The following BTNL8 variants were observed in gnomAD, a reference collection of about 807,000 sequenced individuals.
BTNL8 encodes the protein butyrophilin-like protein 8.
In BTNL8, 22 loss-of-function variants were observed where a neutral mutation model predicts 36.1. The observed-to-expected ratio is 0.61, with a 90% CI of 0.44 to 0.87. The LOEUF (loss-of-function observed/expected upper bound fraction) is 0.87, where lower values mean the gene tolerates loss of function less well. Ranked by LOEUF, BTNL8 falls within the 40% of genes least tolerant of loss-of-function variation. The pLI is 0.00. For synonymous variants in BTNL8, 203 were observed against 235.6 expected (o/e 0.86, Z 1.27); for missense variants, 526 against 616.9 (o/e 0.85, Z 1.56).
At chr5:180,918,190 A>G (rs1255394846) in intron 3 of BTNL8, among the ~76,000 whole-genome samples, 1 of 152,124 alleles carries the variant, frequency 6.6e-6, no homozygotes, top group Non-Finnish European at 1.5e-5. Context: ...AAAAGAAGAA[A>G]ATTACATGCC....
At chr5:180,934,105 T>C (rs1758527641) in intron 3 of BTNL8, among the ~76,000 whole-genome samples, 1 of 152,302 alleles carries the variant, frequency 6.6e-6, no homozygotes, top group South Asian at 2.1e-4. Context: ...TGACCAAGTA[T>C]GATTTAACCC....
At chr5:180,949,477 G>A in intron 7 of BTNL8, 1 of 768,082 alleles carries the variant, frequency 1.3e-6, no homozygotes, top group Non-Finnish European at 2.0e-6. Flanking sequence ...CAGGGGCTGG[G>A]TAAACGGGAG....
intron 3 of BTNL8, among the ~76,000 whole-genome samples, chr5:180,936,513 A>G (rs542301520): frequency 5.6e-4 from 85 of 152,328 alleles, no homozygotes; most frequent in Non-Finnish European, 9.1e-4. Context: ...TTAGATATAA[A>G]TTTAACCAGA....
intron 3 of BTNL8, among the ~76,000 whole-genome samples, chr5:180,912,972 G>C (rs1319946151): frequency 1.3e-5 from 2 of 152,164 alleles, no homozygotes; most frequent in Non-Finnish European, 2.9e-5. Context: ...GCTTCCATGA[G>C]TGCCCTGAAA....
At chr5:180,900,312 C>T (rs978930399) in intron 1 of BTNL8, among the ~76,000 whole-genome samples, 2 of 152,210 alleles carry the variant, frequency 1.3e-5, no homozygotes, top group Non-Finnish European at 2.9e-5. Flanking sequence ...TTATTGTTCA[C>T]AGCTTCCTTA....
chr5:180,948,788 T>C, intron 5 of BTNL8, 132 bp from the exon 6 acceptor site: 1 of 476,858 alleles, frequency 2.1e-6, no homozygotes, highest in Non-Finnish European at 3.7e-6. Context: ...TGCTTTTTGT[T>C]TTGTGGGAAC....
intron 4 of BTNL8, 66 bp downstream of exon 4, chr5:180,947,691 A>G: frequency 1.2e-6 from 2 of 1,614,172 alleles, no homozygotes; most frequent in Non-Finnish European, 8.5e-7. Context: ...AGGATCAGAG[A>G]TGCTCCCACA....
At chr5:180,909,671 G>A in intron 2 of BTNL8, 1 of 802,856 alleles carries the variant, frequency 1.2e-6, no homozygotes, top group Non-Finnish European at 1.5e-6. Context: ...CTTGAGTCCA[G>A]GAGCTCGAGA....
At chr5:180,903,679 T>G in intron 1 of BTNL8, among the ~76,000 whole-genome samples, 1 of 61,890 alleles carries the variant, frequency 1.6e-5, no homozygotes, top group Non-Finnish European at 3.1e-5. Context: ...AAGTCTTTAA[T>G]CCATCTTGAA....
At chr5:180,918,923 C>T (rs959729680) in intron 3 of BTNL8, among the ~76,000 whole-genome samples, 4 of 152,070 alleles carry the variant, frequency 2.6e-5, no homozygotes, top group South Asian at 4.1e-4. Flanking sequence ...TCATAAGTGG[C>T]GACCCTTAGA....
rs1757392077 is a variant in BTNL8 at position 180,911,451 on chromosome 5, A to G, written c.510A>G (p.Pro170=). 1.2e-6 allele frequency: 2 copies of G among 1,614,228 alleles called. No individual in the cohort carries two copies. Among genetic ancestry groups the G allele is most frequent in the African/African-American group, 2.7e-5 (2 of 75,058 alleles). ...GGCCCACAGCGAAGTGGAAAGGTCCACAAGGACAGGATTTGTCCACAGACT... is the reference window on the plus strand; with the variant it reads ...GGCCCACAGCGAAGTGGAAAGGTCCGCAAGGACAGGATTTGTCCACAGACT... ...FPRPTAKWKG[P]QGQDLSTDSR... Residue 170 remains proline, a synonymous_variant, in exon 3 of 8, where the codon CCA becomes CCG. Transcript: ENST00000340184.
In BTNL8 at chr5:180,899,404, T is replaced by A. The variant is rs1756727780; in HGVS notation, c.49+45T>A. 1.9e-6 allele frequency: 3 copies of A among 1,571,450 alleles called. No individual in the cohort carries two copies. The South Asian group carries it at 3.3e-5, about 17-fold the overall frequency. On this transcript the variant is annotated intron_variant, in intron 1 of 7. Coordinates refer to ENST00000340184, the MANE Select transcript of BTNL8 (RefSeq NM_001040462.3). ...CCTCCTTACTAACTAACAGTTTGAG[T>A]TCTTTAGCTACAATGGTTGCAGCAT... is the stretch of plus-strand genomic sequence containing the variant.
chr5:180,920,689 T>C (rs1029807786), intron 3 of BTNL8, among the ~76,000 whole-genome samples: 28 of 152,056 alleles, frequency 1.8e-4, no homozygotes, highest in African/African-American at 6.0e-4. Context: ...TCAAAGTATA[T>C]ACCTGATAAA....
At chr5:180,913,603 C>T (rs1211001812) in intron 3 of BTNL8, among the ~76,000 whole-genome samples, 1 of 152,228 alleles carries the variant, frequency 6.6e-6, no homozygotes, top group African/African-American at 2.4e-5. Flanking sequence ...AATGGCCTCA[C>T]TAATCAGAGA....
rs2113841620 is a variant in BTNL8 at position 180,935,885 on chromosome 5, A to G, written c.674-11627A>G. ...AAAAGTGGAACACTTTTCCTGCTAG[A>G]TCAGGGACAATACAAGAATGCCCAT... On this transcript the variant is annotated intron_variant, in intron 3 of 7. Coordinates refer to ENST00000340184, the MANE Select transcript of BTNL8 (RefSeq NM_001040462.3). The surrounding 1 kb of genome is among the most constrained non-coding windows in gnomAD (Gnocchi z 4.8). Among the ~76,000 whole-genome samples, 1 of 152,096 alleles carries G rather than the reference A, an allele frequency of 6.6e-6. No homozygotes were observed. The highest frequency in any genetic ancestry group is 3.4e-3 in the Middle Eastern group (1 of 292).
At position 180,912,293 on chromosome 5, in the gene BTNL8, C is replaced by T. The variant is rs190765901; in HGVS notation, c.673+679C>T. On this transcript the variant is annotated intron_variant, in intron 3 of 7. Transcript: ENST00000340184. Reference sequence around the variant, plus strand: ...CTCTCCTGGGGCTCCAGATTGCTGACTCACCCATGAGTTGGGACCTAAAAG... The same window carrying T: ...CTCTCCTGGGGCTCCAGATTGCTGATTCACCCATGAGTTGGGACCTAAAAG... Among the ~76,000 whole-genome samples the T allele has an allele frequency of 5.3e-5, 8 of 152,248 alleles. 1 individual carries two copies. The East Asian group carries it at 1.5e-3, about 29-fold the overall frequency.
chr5:180,911,458 C>T lies in BTNL8; in HGVS notation c.517C>T (p.Gln173Ter). The stretch of plus-strand genomic sequence containing the variant: ...AGCGAAGTGGAAAGGTCCACAAGGA[C>T]AGGATTTGTCCACAGACTCCAGGAC... ...PTAKWKGPQG[Q>*]DLSTDSRTNR... The change falls in exon 3 of 8, where the codon CAG (glutamine) becomes TAG (stop). Residue 173 changes from glutamine (Q) to a stop codon, truncating the protein, a stop_gained. Transcript: ENST00000340184. LOFTEE classifies it high-confidence loss of function. 1.9e-6 allele frequency: 3 copies of T among 1,614,220 alleles called. No homozygotes were observed. The highest frequency in any genetic ancestry group is 2.5e-6 in the Non-Finnish European group (3 of 1,180,036).
intron 3 of BTNL8, among the ~76,000 whole-genome samples, chr5:180,939,598 CATTA>C (rs1758828045): frequency 6.6e-6 from 1 of 152,100 alleles, no homozygotes; most frequent in African/African-American, 2.4e-5. Context: ...GATCCCAATA[CATTA>C]ATTAATGTAA....
chr5:180,947,950 A>G (rs1039819299), intron 4 of BTNL8: 24 of 790,292 alleles, frequency 3.0e-5, no homozygotes, highest in Non-Finnish European at 4.4e-5. Context: ...GAACAAATTC[A>G]TAAAGGAGGA....
Sources: allele counts gnomAD v4.1 joint callset (sites outside exome capture counted in the v4.1 genomes callset), GRCh38; gene constraint gnomAD v4.1.1; non-coding constraint Gnocchi (gnomAD v3.1); transcripts MANE v1.5; gene names NCBI Gene and HGNC (gene_info 2026-07-23, HGNC 2026-07-21).